The following NUF2 variants were observed in gnomAD, a reference collection of about 807,000 sequenced individuals.
The protein encoded by NUF2 is kinetochore protein Nuf2.
In NUF2, 34 loss-of-function variants were observed where a neutral mutation model predicts 61.8. The observed-to-expected ratio is 0.55, with a 90% CI of 0.42 to 0.73. The LOEUF is 0.73. Ranked by LOEUF, NUF2 falls within the 30% of genes least tolerant of loss-of-function variation. NUF2 has a pLI of 0.00. For missense variants in NUF2, 445 were observed against 539.1 expected, an observed-to-expected ratio of 0.83 and a Z score of 1.73; for synonymous variants, 172 against 181.6, an observed-to-expected ratio of 0.95 and a Z score of 0.42.
At chr1:163,328,820 T>C (rs1472834214) in intron 4 of NUF2, 26 bp from the exon 5 acceptor site, 2 of 1,464,400 alleles carry the variant, frequency 1.4e-6, no homozygotes, top group Non-Finnish European at 1.9e-6. Flanking sequence ...TACTTTTCAA[T>C]AGTCTTTTTG....
At chr1:163,348,354 A>C (rs1651203568) in intron 12 of NUF2, among the ~76,000 whole-genome samples, 1 of 152,164 alleles carries the variant, frequency 6.6e-6, no homozygotes, top group Non-Finnish European at 1.5e-5. Context: ...TACTTTCCTA[A>C]GTATGTAAGT....
chr1:163,351,021 G>A (rs1557957123), intron 13 of NUF2, among the ~76,000 whole-genome samples: 1 of 152,072 alleles, frequency 6.6e-6, no homozygotes, highest in Admixed American at 6.5e-5. Flanking sequence ...GACATTTGAG[G>A]ATAATGATCA....
At chr1:163,330,164 G>C (rs1571377619) in intron 5 of NUF2, among the ~76,000 whole-genome samples, 1 of 152,160 alleles carries the variant, frequency 6.6e-6, no homozygotes, top group African/African-American at 2.4e-5. Flanking sequence ...ACAGTACCAG[G>C]AGTGAACTCT....
rs772625469 is a variant in NUF2 at position 163,355,459 on chromosome 1, T to C, written c.1385T>C (p.Met462Thr). Residue 462 changes from methionine (M) to threonine (T), a missense_variant, in exon 14 of 14, where the codon ATG becomes ACG. Coordinates refer to ENST00000271452, the MANE Select transcript of NUF2 (RefSeq NM_145697.3). ...GAACTGAAGAGGAAGATGTTCAAAA[T>C]GTCAACCTGATTAACAAAATTACAT... ...TAELKRKMFK[M>T]ST 1.1e-5 allele frequency: 18 copies of C among 1,591,236 alleles called. No homozygotes were observed. The highest frequency in any genetic ancestry group is 2.3e-5 in the South Asian group (2 of 86,214).
intron 5 of NUF2, among the ~76,000 whole-genome samples, chr1:163,330,847 C>T (rs982407361): frequency 1.3e-5 from 2 of 151,430 alleles, no homozygotes; most frequent in Non-Finnish European, 3.0e-5. Context: ...TTTAAATTTT[C>T]TGATTAGTCA....
chr1:163,352,632 C>T (rs1248593601), intron 13 of NUF2, among the ~76,000 whole-genome samples: 3 of 152,044 alleles, frequency 2.0e-5, no homozygotes, highest in Non-Finnish European at 2.9e-5. Context: ...TTTGGGAGGC[C>T]GAGGCAGGCG....
intron 5 of NUF2, among the ~76,000 whole-genome samples, chr1:163,331,271 A>G (rs962017740): frequency 4.0e-5 from 6 of 151,890 alleles, no homozygotes; most frequent in African/African-American, 4.8e-5. Flanking sequence ...CTCTAGTGAG[A>G]TAATCATGGG....
intron 13 of NUF2, among the ~76,000 whole-genome samples, chr1:163,351,299 G>T (rs1276497514): frequency 6.6e-6 from 1 of 152,110 alleles, no homozygotes; most frequent in African/African-American, 2.4e-5. Context: ...GACTTATATT[G>T]ACCTTGTGAT....
intron 10 of NUF2, 150 bp downstream of exon 10, chr1:163,344,020 T>C (rs12144254): frequency 0.31 from 117,176 of 381,148 alleles, 18,805 homozygotes; most frequent in Middle Eastern, 0.42. Context: ...TCTGTAGCTT[T>C]TCTCTAGAGT....
intron 8 of NUF2, among the ~76,000 whole-genome samples, chr1:163,339,779 C>T (rs1298757848): frequency 6.6e-6 from 1 of 152,194 alleles, no homozygotes; most frequent in East Asian, 1.9e-4. Flanking sequence ...GCAGTAAACC[C>T]TCAAGAATGC....
chr1:163,355,088 T>C (rs1651444549), intron 13 of NUF2, among the ~76,000 whole-genome samples: 1 of 151,980 alleles, frequency 6.6e-6, no homozygotes, highest in African/African-American at 2.4e-5. Context: ...CTTATTGTAT[T>C]AGAATCCTAA....
At chr1:163,346,785 G>A (rs1304101059) in intron 11 of NUF2, among the ~76,000 whole-genome samples, 1 of 152,088 alleles carries the variant, frequency 6.6e-6, no homozygotes, top group Non-Finnish European at 1.5e-5. Flanking sequence ...AGTCAAGACT[G>A]CAGTGAGCTA....
intron 9 of NUF2, among the ~76,000 whole-genome samples, chr1:163,342,596 A>G (rs1020914418): frequency 6.6e-5 from 10 of 152,174 alleles, no homozygotes; most frequent in Non-Finnish European, 1.5e-4. Flanking sequence ...TATTTAGACA[A>G]ATTACACAAC....
intron 5 of NUF2, among the ~76,000 whole-genome samples, chr1:163,332,605 G>A (rs539798128): frequency 1.3e-5 from 2 of 152,008 alleles, no homozygotes; most frequent in Non-Finnish European, 2.9e-5. Flanking sequence ...AGCTTCTAGG[G>A]TTGCATTTCT....
chr1:163,343,681 G>T, intron 9 of NUF2, 52 bp from the exon 10 acceptor site: 1 of 883,132 alleles, frequency 1.1e-6, no homozygotes, highest in East Asian at 3.2e-5. Context: ...TTACTAGAAT[G>T]GTAAATCACC....
intron 1 of NUF2, 111 bp from the exon 2 acceptor site, chr1:163,325,921 C>T: frequency 1.5e-6 from 1 of 658,228 alleles, no homozygotes; most frequent in Non-Finnish European, 2.6e-6. Context: ...TGATAGTTAA[C>T]ACTACTATGA....
At chr1:163,346,854 C>T (rs757137142) in intron 11 of NUF2, among the ~76,000 whole-genome samples, 1 of 151,780 alleles carries the variant, frequency 6.6e-6, no homozygotes, top group Admixed American at 6.6e-5. Context: ...CTGAAAAGCA[C>T]ACACACACAC....
chr1:163,339,477 G>A lies in NUF2; in HGVS notation c.606G>A (p.Thr202=), dbSNP rs779850616. Residue 202 remains threonine, a splice_region_variant and synonymous_variant, in exon 8 of 14, where the codon ACG becomes ACA. Transcript: ENST00000271452. ...QSLNQDFHQK[T]IVLQEGNSQK... ...TAAATCAGGATTTTCATCAAAAAAC[G>A]GTATCTGTTGTGAGGCACCTTAAAC... 1.3e-6 allele frequency: 2 copies of A among 1,594,450 alleles called. No homozygotes were observed. The highest frequency in any genetic ancestry group is 1.7e-6 in the Non-Finnish European group (2 of 1,162,824).
intron 1 of NUF2, among the ~76,000 whole-genome samples, chr1:163,323,589 GC>G (rs1557944455): frequency 2.6e-5 from 4 of 151,968 alleles, no homozygotes; most frequent in Admixed American, 2.6e-4. Context: ...GGTAGTGTGT[GC>G]CTGCTGTCGT....
Sources: allele counts gnomAD v4.1 joint callset (sites outside exome capture counted in the v4.1 genomes callset), GRCh38; gene constraint gnomAD v4.1.1; transcripts MANE v1.5; gene names NCBI Gene and HGNC (gene_info 2026-07-23, HGNC 2026-07-21).